Variants in RP1 observed in about 807,000 individuals in gnomAD.
RP1 encodes the protein oxygen-regulated protein 1.
In RP1, 16 loss-of-function variants were observed where a neutral mutation model predicts 14.8. The observed-to-expected ratio is 1.08, with a 90% CI of 0.73 to 1.65. The LOEUF (loss-of-function observed/expected upper bound fraction) is 1.65, where lower values mean the gene tolerates loss of function less well. Among genes scored for constraint, RP1 ranks in the 40% most tolerant of loss-of-function variants. RP1 has a pLI of 0.00. For synonymous variants in RP1, 876 were observed against 883.6 expected (o/e 0.99, Z 0.15); for missense variants, 2,631 against 2,535.0 (o/e 1.04, Z -0.81).
Position 54,629,469 on chromosome 8 carries a change from G to A in RP1, c.5587G>A (p.Val1863Ile). 6.2e-7 allele frequency: 1 copy of A among 1,614,154 alleles called. No individual in the cohort carries two copies. The highest frequency in any genetic ancestry group is 1.1e-5 in the South Asian group (1 of 91,074). ...GAAGGGTAGTCATCAGTCAGAAAGA[G>A]TATGCACATCTGTCACTCATTCCTT... ...EEKGSHQSER[V>I]CTSVTHSFIS... Residue 1863 changes from valine (V) to isoleucine (I), a missense_variant, in exon 4 of 4, where the codon GTA becomes ATA. By Grantham distance (29) the Val-to-Ile change is conservative (BLOSUM62 3). Coordinates refer to ENST00000220676, the MANE Select transcript of RP1 (RefSeq NM_006269.2).
intron 3 of RP1, among the ~76,000 whole-genome samples, chr8:54,640,959 C>CTT (rs34975591): frequency 0.032 from 4,159 of 128,310 alleles, 157 homozygotes; most frequent in African/African-American, 0.067. Context: ...TATAAATCTC[C>CTT]TTTTTTTTTT....
At chr8:54,827,453 C>T (rs1170665598) in intron 24 of RP1, among the ~76,000 whole-genome samples, 1 of 151,940 alleles carries the variant, frequency 6.6e-6, no homozygotes, top group Non-Finnish European at 1.5e-5. Flanking sequence ...CAGCCTTCTC[C>T]CAAGTAGCTG....
intron 7 of RP1, among the ~76,000 whole-genome samples, chr8:54,664,354 C>T (rs1202331236): frequency 2.0e-5 from 3 of 152,096 alleles, no homozygotes; most frequent in African/African-American, 4.8e-5. Context: ...CTACTGTGTA[C>T]ATAGGGGTGC....
intron 1 of RP1, among the ~76,000 whole-genome samples, chr8:54,606,524 G>C (rs1477784788): frequency 6.6e-6 from 1 of 152,040 alleles, no homozygotes; most frequent in East Asian, 1.9e-4. Context: ...ATGTGTCTTG[G>C]AGTTGCTCTT....
rs1030118357 is a variant in RP1, at chr8:54,661,409, G to T, written c.1172-2290G>T. Among the ~76,000 whole-genome samples the T allele has an allele frequency of 1.1e-4, 17 of 151,168 alleles. No individual in the cohort carries two copies. In the East Asian group the frequency reaches 3.1e-3, roughly 28 times the overall value. The stretch of plus-strand genomic sequence containing the variant: ...AGGGAGGATCGCTTGAGTCTGGGAG[G>T]TTGAGGATGCAGTGAGCCATGATTG... On this transcript the variant is annotated intron_variant, in intron 6 of 22. Transcript: ENST00000636932.
intron 16 of RP1, among the ~76,000 whole-genome samples, chr8:54,725,237 T>C (rs924345205): frequency 2.6e-5 from 4 of 152,240 alleles, no homozygotes; most frequent in African/African-American, 9.6e-5. Flanking sequence ...TTTTTTCCTC[T>C]ACAATTATTT....
At chr8:54,754,724 C>A in intron 19 of RP1, 2 of 1,382,918 alleles carry the variant, frequency 1.4e-6, no homozygotes, top group South Asian at 1.6e-5. Context: ...TTTTGAAATC[C>A]CTGGGATGCA....
chr8:54,635,731 C>T (rs1300032326), downstream of RP1, among the ~76,000 whole-genome samples: 2 of 152,142 alleles, frequency 1.3e-5, no homozygotes, highest in Non-Finnish European at 2.9e-5. Flanking sequence ...CAAAACCCAA[C>T]ACACCCCACA....
chr8:54,583,577 A>T (rs1370839624), intron 1 of RP1, among the ~76,000 whole-genome samples: 1 of 152,204 alleles, frequency 6.6e-6, no homozygotes, highest in African/African-American at 2.4e-5. Context: ...AAGGAATGGT[A>T]CCAGTTCCTC....
At chr8:54,636,671 G>A (rs534472570) in intron 3 of RP1, among the ~76,000 whole-genome samples, 1 of 152,148 alleles carries the variant, frequency 6.6e-6, no homozygotes, top group African/African-American at 2.4e-5. Context: ...CCGGTAGGTG[G>A]AGGTAGCAGT....
intron 1 of RP1, among the ~76,000 whole-genome samples, chr8:54,583,580 A>C (rs950473470): frequency 1.3e-5 from 2 of 152,224 alleles, no homozygotes; most frequent in Non-Finnish European, 2.9e-5. Flanking sequence ...GAATGGTACC[A>C]GTTCCTCCTT....
At chr8:54,677,887 G>T (rs1361754646) in intron 8 of RP1, among the ~76,000 whole-genome samples, 2 of 152,088 alleles carry the variant, frequency 1.3e-5, no homozygotes, top group Non-Finnish European at 2.9e-5. Context: ...TATTTTATGT[G>T]TAAGTAAAAT....
At chr8:54,650,643 T>G (rs1388006134) in intron 4 of RP1, among the ~76,000 whole-genome samples, 1 of 150,884 alleles carries the variant, frequency 6.6e-6, no homozygotes, top group Non-Finnish European at 1.5e-5. Context: ...TTTCCCTTTC[T>G]CTTCCCTTTC....
intron 27 of RP1, among the ~76,000 whole-genome samples, chr8:54,859,664 A>G (rs1486024672): frequency 6.6e-6 from 1 of 151,836 alleles, no homozygotes; most frequent in Non-Finnish European, 1.5e-5. Flanking sequence ...GGGTGTCAGT[A>G]TGGAGTTGTT....
downstream of RP1, among the ~76,000 whole-genome samples, chr8:54,632,090 C>T (rs1806257883): frequency 6.6e-6 from 1 of 152,116 alleles, no homozygotes; most frequent in Non-Finnish European, 1.5e-5. Flanking sequence ...GATCCGCCCG[C>T]CTCGGCCTCC....
chr8:54,664,943 A>G (rs1331671836), intron 7 of RP1, among the ~76,000 whole-genome samples: 11 of 152,142 alleles, frequency 7.2e-5, no homozygotes, highest in Admixed American at 5.9e-4. Context: ...GCATCACACA[A>G]TATACCCGGT....
intron 17 of RP1, among the ~76,000 whole-genome samples, chr8:54,732,881 C>G (rs143384142): frequency 1.3e-5 from 2 of 152,314 alleles, no homozygotes; most frequent in East Asian, 3.9e-4. Context: ...CACACTTGCT[C>G]TGCCTGGGTT....
intron 1 of RP1, among the ~76,000 whole-genome samples, chr8:54,588,527 G>T (rs1299791617): frequency 6.6e-6 from 1 of 152,166 alleles, no homozygotes; most frequent in African/African-American, 2.4e-5. Flanking sequence ...TGGCACACAG[G>T]CTATGGCTTT....
chr8:54,568,817 G>A (rs1405080451), intron 1 of RP1, among the ~76,000 whole-genome samples: 3 of 152,206 alleles, frequency 2.0e-5, no homozygotes, highest in Non-Finnish European at 4.4e-5. Context: ...ACAAAATCTG[G>A]AGAAGCCTCC....
Sources: allele counts gnomAD v4.1 joint callset (sites outside exome capture counted in the v4.1 genomes callset), GRCh38; gene constraint gnomAD v4.1.1; transcripts MANE v1.5; gene names NCBI Gene and HGNC (gene_info 2026-07-23, HGNC 2026-07-21).